The following GAS7 variants were observed in gnomAD, a reference collection of about 807,000 sequenced individuals.
The protein encoded by GAS7 is growth arrest-specific protein 7.
In GAS7, 28 loss-of-function variants were observed where a neutral mutation model predicts 71.1. The observed-to-expected ratio is 0.39, with a 90% confidence interval of 0.29 to 0.54. GAS7 has a LOEUF of 0.54. GAS7 is among the 20% of genes least tolerant of loss of function. GAS7 has a pLI of 0.62. For missense variants in GAS7, 436 were observed against 627.8 expected (o/e 0.69, Z 3.27); for synonymous variants, 258 against 245.8 (o/e 1.05, Z -0.46).
rs1251702742 is a variant in GAS7 at position 9,979,875 on chromosome 17, A to AAC, written c.385+1928_385+1929insGT. ...TTTTGATTGTTTTAAAAAAAAAAAA[A>AAC]AACACAAGAACAACATTGAAAGAGA... is the stretch of plus-strand genomic sequence containing the variant. On this transcript the variant is annotated intron_variant, in intron 3 of 13. Coordinates refer to ENST00000432992, the MANE Select transcript of GAS7 (RefSeq NM_201433.2). 7.3e-5 allele frequency among the ~76,000 whole-genome samples: 11 copies of AAC among 151,702 alleles called. No homozygotes were observed. In the South Asian group the frequency reaches 1.3e-3, roughly 17 times the overall value.
At chr17:10,171,216 G>A (rs1391721284) in intron 1 of GAS7, among the ~76,000 whole-genome samples, 6 of 152,060 alleles carry the variant, frequency 3.9e-5, no homozygotes, top group Non-Finnish European at 7.4e-5. Context: ...CATCTTGACC[G>A]AATTTCCTCC....
intron 1 of GAS7, among the ~76,000 whole-genome samples, chr17:10,080,555 G>A (rs1490175307): frequency 6.6e-6 from 1 of 152,154 alleles, no homozygotes; most frequent in African/African-American, 2.4e-5. Context: ...CAAGAACGCT[G>A]TCTTGGGGTC....
chr17:9,962,296 T>C (rs769362927), intron 4 of GAS7, among the ~76,000 whole-genome samples: 1 of 151,216 alleles, frequency 6.6e-6, no homozygotes, highest in Non-Finnish European at 1.5e-5. Flanking sequence ...TAATTCTCCA[T>C]TGAAAGGGCC....
chr17:9,941,975 T>A (rs75415487), intron 7 of GAS7, among the ~76,000 whole-genome samples: 1 of 152,154 alleles, frequency 6.6e-6, no homozygotes, highest in African/African-American at 2.4e-5. Context: ...ATTTTTGGTC[T>A]GGCACAGTGG....
At chr17:9,954,471 AT>A (rs2069145924) in intron 5 of GAS7, among the ~76,000 whole-genome samples, 13 of 147,250 alleles carry the variant, frequency 8.8e-5, no homozygotes, top group East Asian at 4.0e-4. Flanking sequence ...GTGATGGGGG[AT>A]GGGGGGTGGG....
chr17:10,182,833 T>C lies in GAS7; in HGVS notation c.183+15375A>G, dbSNP rs191317239. On this transcript the variant is annotated intron_variant, in intron 1 of 13. Coordinates refer to ENST00000432992, the MANE Select transcript of GAS7 (RefSeq NM_201433.2). ...TCCATCCAGCCCCTTGAAACAAACC[T>C]TTCCTTTGCCCCAGCAACAGGCAAA... Among the ~76,000 whole-genome samples, 175 of 152,286 alleles carry C rather than the reference T, an allele frequency of 1.1e-3. 5 individuals carry two copies. The East Asian group carries it at 0.026, about 22-fold the overall frequency.
At chr17:10,088,241 T>TAATAAC (rs2073542751) in intron 1 of GAS7, among the ~76,000 whole-genome samples, 1 of 147,384 alleles carries the variant, frequency 6.8e-6, no homozygotes, top group Non-Finnish European at 1.5e-5. Flanking sequence ...ATAATAATAA[T>TAATAAC]AATAATAATA....
chr17:10,059,410 C>G (rs925061200), intron 1 of GAS7, among the ~76,000 whole-genome samples: 2 of 152,212 alleles, frequency 1.3e-5, no homozygotes, highest in African/African-American at 2.4e-5. Flanking sequence ...CAGAGCTCAT[C>G]TCAGATACTT....
intron 1 of GAS7, among the ~76,000 whole-genome samples, chr17:10,043,291 G>A (rs75666749): frequency 0.042 from 6,459 of 152,152 alleles, 462 homozygotes; most frequent in African/African-American, 0.15. Context: ...AACCAGACTA[G>A]TGCTCAACAC....
chr17:9,926,951 T>C lies in GAS7; in HGVS notation c.886-182A>G. The C allele has an allele frequency of 1.6e-6, 1 of 620,656 alleles. No homozygotes were observed. The highest frequency in any genetic ancestry group is 1.8e-5 in the South Asian group (1 of 54,082). The allele number at this position is 620,656 out of a possible 1,614,324, so 38.4% of individuals were successfully genotyped here. On this transcript the variant is annotated intron_variant, in intron 9 of 13. Coordinates refer to ENST00000432992, the MANE Select transcript of GAS7 (RefSeq NM_201433.2). This position sits in a 1 kb window ranked among gnomAD's most constrained non-coding sequence, Gnocchi z 5.0. ...CGTGGCTGCCTATCAGGTCTCAGCT[T>C]AGGCAGGTCACCTTAGCTCAGGAGG... is the stretch of plus-strand genomic sequence containing the variant.
intron 1 of GAS7, among the ~76,000 whole-genome samples, chr17:10,156,011 T>C (rs148221375): frequency 1.2e-3 from 189 of 152,294 alleles, no homozygotes; most frequent in African/African-American, 4.2e-3. Context: ...CTTCCAACCA[T>C]GCAACTGACT....
chr17:9,920,008 T>TGTGTGTGTGTGC (rs1555585021), intron 11 of GAS7, among the ~76,000 whole-genome samples: 1 of 143,832 alleles, frequency 7.0e-6, no homozygotes, highest in East Asian at 2.0e-4. Context: ...TGTGTGTGTG[T>TGTGTGTGTGTGC]GTGTGTGTCT....
At chr17:9,936,509 A>G (rs1363859933) in intron 8 of GAS7, among the ~76,000 whole-genome samples, 3 of 152,118 alleles carry the variant, frequency 2.0e-5, no homozygotes, top group African/African-American at 7.2e-5. Context: ...CCTCAGCTCT[A>G]CCTCCAGGCC....
At chr17:9,963,078 T>C (rs565377981) in intron 4 of GAS7, among the ~76,000 whole-genome samples, 8 of 148,290 alleles carry the variant, frequency 5.4e-5, no homozygotes, top group Non-Finnish European at 1.0e-4. Context: ...AGGGATTGAG[T>C]GTAGAGGCAA....
At chr17:10,048,256 C>T (rs115412083) in intron 1 of GAS7, among the ~76,000 whole-genome samples, 9,085 of 152,236 alleles carry the variant, frequency 0.06, 554 homozygotes, top group African/African-American at 0.16. Context: ...GAGCGGTGAT[C>T]GCGCCATTGC....
chr17:10,084,570 G>T (rs1032104760), intron 1 of GAS7, among the ~76,000 whole-genome samples: 1 of 152,082 alleles, frequency 6.6e-6, no homozygotes, highest in Non-Finnish European at 1.5e-5. Context: ...AGGTTCAAGT[G>T]ATTCTCCTGC....
intron 1 of GAS7, among the ~76,000 whole-genome samples, chr17:10,037,083 T>C (rs1439420946): frequency 6.6e-6 from 1 of 152,230 alleles, no homozygotes; most frequent in Non-Finnish European, 1.5e-5. Flanking sequence ...AGAACCACTG[T>C]GTGGAAAGCT....
Position 10,150,591 on chromosome 17 carries a change from C to CTTTTTTTTTTTTTT in GAS7, c.183+47603_183+47616dup, listed in dbSNP as rs3051271. Among the ~76,000 whole-genome samples the CTTTTTTTTTTTTTT allele has an allele frequency of 1.8e-4, 21 of 118,948 alleles. 1 individual carries two copies. The highest frequency in any genetic ancestry group is 2.6e-4 in the Non-Finnish European group (16 of 61,326). 78.0% of individuals were successfully genotyped at this position (118,948 alleles called of 152,430 possible). On this transcript the variant is annotated intron_variant, in intron 1 of 13. Coordinates refer to ENST00000432992, the MANE Select transcript of GAS7 (RefSeq NM_201433.2). ...ACTCAGTAATGAGGCTGTTACATTT[C>CTTTTTTTTTTTTTT]TTTTTTTTTTTTTTTTAGACAGGGT...
At position 9,981,757 on chromosome 17, in the gene GAS7, G is replaced by C; in HGVS notation, c.385+47C>G. On this transcript the variant is annotated intron_variant, in intron 3 of 13. Transcript: ENST00000432992. The surrounding 1 kb of genome is among the most constrained non-coding windows in gnomAD (Gnocchi z 4.4). Reference sequence around the variant, plus strand: ...TCATCTCAGCCTCTCCACTGAATGTGGCATCAGGGCCCTCCCAGTTGCCCC... The same window carrying C: ...TCATCTCAGCCTCTCCACTGAATGTCGCATCAGGGCCCTCCCAGTTGCCCC... The C allele has an allele frequency of 9.9e-7, 1 of 1,010,772 alleles. No individual in the cohort carries two copies. The highest frequency in any genetic ancestry group is 1.6e-6 in the Non-Finnish European group (1 of 630,682). 62.6% of individuals were successfully genotyped at this position (1,010,772 alleles called of 1,614,324 possible).
Sources: gnomAD v4.1 joint callset for allele counts (sites outside exome capture counted in the v4.1 genomes callset) on GRCh38, gnomAD v4.1.1 for gene constraint, Gnocchi (gnomAD v3.1) non-coding constraint, MANE v1.5 for transcripts, NCBI Gene and HGNC (gene_info 2026-07-23, HGNC 2026-07-21) for gene names.